KIF25: variants seen among roughly 807,000 people sequenced by gnomAD.
KIF25 encodes the protein kinesin-like protein KIF25.
Under a neutral mutation model 32.9 loss-of-function variants are expected in KIF25, and 19 were observed. The observed-to-expected ratio is 0.58, with a 90% CI of 0.40 to 0.85. The LOEUF (loss-of-function observed/expected upper bound fraction) is 0.85. KIF25 is among the 40% of genes least tolerant of loss of function. The pLI, the probability that KIF25 is intolerant of heterozygous loss-of-function variation, is 0.00. For missense variants in KIF25, 485 were observed against 507.0 expected, an observed-to-expected ratio of 0.96 and a Z score of 0.42; for synonymous variants, 225 against 213.7, an observed-to-expected ratio of 1.05 and a Z score of -0.46.
chr6:168,012,481 G>A (rs1798660796), intron 4 of KIF25, among the ~76,000 whole-genome samples: 3 of 152,160 alleles, frequency 2.0e-5, no homozygotes, highest in Non-Finnish European at 2.9e-5. Flanking sequence ...ACAGTGATGC[G>A]GCTTTTCCAA....
intron 9 of KIF25, 34 bp downstream of exon 9, chr6:168,038,763 C>G (rs899806651): frequency 5.0e-6 from 8 of 1,601,770 alleles, no homozygotes; most frequent in Non-Finnish European, 4.3e-6. Context: ...CTGCTGGCCT[C>G]TGAGTGAGAA....
At position 168,040,148 on chromosome 6, in the gene KIF25, C is replaced by T. The variant is rs199989232; in HGVS notation, c.578C>T (p.Ala193Val). The T allele has an allele frequency of 2.2e-4, 349 of 1,614,080 alleles. 1 individual carries two copies. The South Asian group carries it at 2.4e-3, about 11-fold the overall frequency. ...GCGAAGCACCCCACCCTGGTGCACGCGGATTCCTCCAGGTCTCACCTGATA... is the reference window on the plus strand; with the variant it reads ...GCGAAGCACCCCACCCTGGTGCACGTGGATTCCTCCAGGTCTCACCTGATA... ...LRAKHPTLVH[A>V]DSSRSHLIIT... is the part of the protein sequence containing the mutation. The change falls in exon 10 of 13, where the codon GCG becomes GTG. Residue 193 changes from alanine (A) to valine (V), a missense_variant. By Grantham distance (64) the Ala-to-Val change is moderately conservative (BLOSUM62 0). This residue lies in a region of KIF25 where 480 missense variants were observed against 470.3 expected (regional missense o/e 1.02). Transcript: ENST00000643607.
At chr6:168,036,441 G>C (rs1799027272) in intron 8 of KIF25, among the ~76,000 whole-genome samples, 1 of 152,204 alleles carries the variant, frequency 6.6e-6, no homozygotes, top group Non-Finnish European at 1.5e-5. Flanking sequence ...GGGGAGCTGC[G>C]TGCATTGGAA....
intron 4 of KIF25, among the ~76,000 whole-genome samples, chr6:168,015,186 G>GCA (rs1484878692): frequency 1.3e-5 from 2 of 152,162 alleles, no homozygotes; most frequent in Admixed American, 6.5e-5. Context: ...CTTGCACGGA[G>GCA]CTTGTAGATG....
chr6:168,030,570 C>A, intron 6 of KIF25: 2 of 303,602 alleles, frequency 6.6e-6, no homozygotes, highest in Non-Finnish European at 6.0e-6. Context: ...ATTACATTTT[C>A]ATAGCAGAAA....
chr6:168,030,879 A>G, intron 7 of KIF25, 32 bp downstream of exon 7: 1 of 1,500,660 alleles, frequency 6.7e-7, no homozygotes, highest in South Asian at 1.1e-5. Flanking sequence ...GCCAGTCATC[A>G]TAGTTACATT....
At chr6:168,015,258 C>G (rs1798698559) in intron 4 of KIF25, among the ~76,000 whole-genome samples, 1 of 152,174 alleles carries the variant, frequency 6.6e-6, no homozygotes, top group African/African-American at 2.4e-5. Flanking sequence ...ACTCTGTCTG[C>G]ATGTTGCTCA....
intron 5 of KIF25, among the ~76,000 whole-genome samples, chr6:168,023,977 A>AT (rs369760499): frequency 6.6e-6 from 1 of 152,126 alleles, no homozygotes; most frequent in African/African-American, 2.4e-5. Context: ...AAATAACTTG[A>AT]TTTTTTTCCC....
At chr6:168,017,616 G>C (rs1005085385) in intron 4 of KIF25, among the ~76,000 whole-genome samples, 1 of 152,218 alleles carries the variant, frequency 6.6e-6, no homozygotes, top group African/African-American at 2.4e-5. Context: ...AGGGCCCTTA[G>C]AGTCAGTAAT....
chr6:168,044,775 T>C lies in KIF25; in HGVS notation c.986-52T>C. ...GCCCTGGTTGCTGGCATGTTGGCAC[T>C]TTCAGATGCTGCTCTTCTTTCCAGC... On this transcript the variant is annotated intron_variant, in intron 12 of 12. Coordinates refer to ENST00000643607, the MANE Select transcript of KIF25 (RefSeq NM_030615.4). The C allele has an allele frequency of 1.3e-6, 2 of 1,516,466 alleles. 1 individual carries two copies. The highest frequency in any genetic ancestry group is 2.5e-5 in the South Asian group (2 of 78,478). 93.9% of individuals were successfully genotyped at this position (1,516,466 alleles called of 1,614,324 possible).
At chr6:168,031,115 A>T (rs1798935569) in intron 7 of KIF25, among the ~76,000 whole-genome samples, 1 of 152,324 alleles carries the variant, frequency 6.6e-6, no homozygotes, top group Non-Finnish European at 1.5e-5. Context: ...GTTACAGTGC[A>T]TGTGGGCTTA....
At chr6:168,030,948 A>G (rs929465576) in intron 7 of KIF25, 101 bp downstream of exon 7, 25 of 934,106 alleles carry the variant, frequency 2.7e-5, no homozygotes, top group Non-Finnish European at 6.6e-6. Context: ...GAGTCTGAGC[A>G]TTCTACAGCA....
At chr6:168,029,429 ACATT>A in intron 5 of KIF25, 59 bp from the exon 6 acceptor site, 2 of 1,158,804 alleles carry the variant, frequency 1.7e-6, no homozygotes. Context: ...AGAATAACTA[ACATT>A]CATGTTAAGG....
chr6:168,029,101 A>G (rs1798904043), intron 5 of KIF25, among the ~76,000 whole-genome samples: 1 of 152,222 alleles, frequency 6.6e-6, no homozygotes, highest in Non-Finnish European at 1.5e-5. Context: ...TAAGCCAATC[A>G]TAGCTCGTTG....
At chr6:168,020,303 C>G (rs561358873) in intron 5 of KIF25, among the ~76,000 whole-genome samples, 3 of 152,218 alleles carry the variant, frequency 2.0e-5, no homozygotes, top group Non-Finnish European at 4.4e-5. Context: ...GAAAGAGAAA[C>G]AGTCCATCCA....
chr6:168,030,903 G>A (rs1798932202), intron 7 of KIF25, 56 bp downstream of exon 7: 4 of 1,347,208 alleles, frequency 3.0e-6, no homozygotes, highest in Non-Finnish European at 4.2e-6. Context: ...ATATAAAGAA[G>A]CTTCACTGTG....
intron 12 of KIF25, among the ~76,000 whole-genome samples, chr6:168,043,389 G>A (rs1293297585): frequency 2.0e-5 from 3 of 152,194 alleles, no homozygotes; most frequent in African/African-American, 7.2e-5. Context: ...GACGGCAGGG[G>A]CACATGGCCA....
In KIF25 at chr6:168,029,625, G is replaced by T; in HGVS notation, c.40G>T (p.Ala14Ser). 2 of 1,610,120 alleles carry T rather than the reference G, an allele frequency of 1.2e-6. No individual in the cohort carries two copies. Reference sequence around the variant, plus strand: ...AGGTCAGCTTCAGCGTGAGAAGCAGGCCAGGCCTGGGTCTGGAGCCGTCCT... The same window carrying T: ...AGGTCAGCTTCAGCGTGAGAAGCAGTCCAGGCCTGGGTCTGGAGCCGTCCT... Reference protein sequence around the residue: ...TSGQLQREKQARPGSGAVLAF... With the variant: ...TSGQLQREKQSRPGSGAVLAF... Residue 14 changes from alanine to serine, a missense_variant, in exon 6 of 13, where the codon GCC (alanine) becomes TCC (serine). Physicochemically the swap from Ala to Ser is moderately conservative, Grantham distance 99. This residue lies in a region of KIF25 where 5 missense variants were observed against 36.7 expected (regional missense o/e 0.14). Transcript: ENST00000643607.
chr6:168,040,029 CCTCA>C (rs1562392059), intron 9 of KIF25, 32 bp from the exon 10 acceptor site: 3 of 1,587,150 alleles, frequency 1.9e-6, no homozygotes, highest in Admixed American at 3.4e-5. Flanking sequence ...GGGGGGCCGC[CCTCA>C]CTGTGTTCCC....
Sources: allele counts gnomAD v4.1 joint callset (sites outside exome capture counted in the v4.1 genomes callset), GRCh38; gene constraint gnomAD v4.1.1; regional missense constraint gnomAD v4.1.1; transcripts MANE v1.5; gene names NCBI Gene and HGNC (gene_info 2026-07-23, HGNC 2026-07-21).